Variants in CTBP2 observed in about 807,000 individuals in gnomAD.
The protein encoded by CTBP2 is C-terminal-binding protein 2.
Under a neutral mutation model 80.3 loss-of-function variants are expected in CTBP2, and 30 were observed. That is an observed-to-expected ratio of 0.37 (90% CI 0.28 to 0.51). The LOEUF (loss-of-function observed/expected upper bound fraction) is 0.51. CTBP2 is among the 20% of genes least tolerant of loss of function. The pLI is 0.93. For missense variants in CTBP2, 1,212 were observed against 1,375.3 expected (o/e 0.88, Z 1.88); for synonymous variants, 594 against 587.4 (o/e 1.01, Z -0.16).
intron 1 of CTBP2, among the ~76,000 whole-genome samples, chr10:125,111,439 C>G (rs930557605): frequency 6.6e-5 from 10 of 152,128 alleles, no homozygotes; most frequent in African/African-American, 2.4e-4. Flanking sequence ...TACCTTCAAG[C>G]AAAAAGTATT....
At chr10:125,067,595 T>C (rs1326017286) in intron 2 of CTBP2, among the ~76,000 whole-genome samples, 1 of 152,232 alleles carries the variant, frequency 6.6e-6, no homozygotes, top group East Asian at 1.9e-4. Context: ...TTATCAAACT[T>C]CTTATCTTAC....
intron 2 of CTBP2, among the ~76,000 whole-genome samples, chr10:125,080,367 C>T (rs953919932): frequency 1.3e-5 from 2 of 152,186 alleles, no homozygotes; most frequent in Non-Finnish European, 2.9e-5. Context: ...GCCACCAGTG[C>T]ACCCAGCCCA....
chr10:125,105,382 G>A (rs1339018685), intron 2 of CTBP2, among the ~76,000 whole-genome samples: 2 of 152,174 alleles, frequency 1.3e-5, no homozygotes, highest in Admixed American at 1.3e-4. Context: ...AAACTCCTGG[G>A]CTCAAAGGAT....
chr10:125,105,338 G>A (rs1476596674), intron 2 of CTBP2, among the ~76,000 whole-genome samples: 1 of 152,222 alleles, frequency 6.6e-6, no homozygotes, highest in Non-Finnish European at 1.5e-5. Flanking sequence ...TTTTTATAGA[G>A]ATGGGGTCTT....
At chr10:125,028,303 C>T (rs867243300), upstream of CTBP2, among the ~76,000 whole-genome samples, 1 of 152,134 alleles carries the variant, frequency 6.6e-6, no homozygotes, top group South Asian at 2.1e-4. Flanking sequence ...GGGGCTGTTC[C>T]CACCCCTGCC....
At chr10:125,092,916 G>T (rs900872940) in intron 2 of CTBP2, among the ~76,000 whole-genome samples, 1 of 151,572 alleles carries the variant, frequency 6.6e-6, no homozygotes, top group Admixed American at 6.6e-5. Context: ...TTCTAGAGTG[G>T]GGGGGGGCAG....
intron 2 of CTBP2, among the ~76,000 whole-genome samples, chr10:125,098,987 A>AT (rs976217948): frequency 6.6e-6 from 1 of 152,180 alleles, no homozygotes; most frequent in African/African-American, 2.4e-5. Context: ...CTGACTGAGC[A>AT]TTTACCAAGC....
intron 2 of CTBP2, among the ~76,000 whole-genome samples, chr10:125,070,836 T>TA (rs1845363202): frequency 8.1e-6 from 1 of 122,766 alleles, no homozygotes; most frequent in Admixed American, 8.4e-5. Context: ...CGGCTAATTT[T>TA]GTATTTTTAG....
intron 2 of CTBP2, among the ~76,000 whole-genome samples, chr10:125,072,029 G>A (rs1315999326): frequency 6.6e-6 from 1 of 152,172 alleles, no homozygotes; most frequent in African/African-American, 2.4e-5. Flanking sequence ...GACAAACCCT[G>A]AGACCTGGAC....
At chr10:125,064,340 G>A (rs1477876405) in intron 2 of CTBP2, among the ~76,000 whole-genome samples, 6 of 152,062 alleles carry the variant, frequency 3.9e-5, no homozygotes, top group Admixed American at 1.3e-4. Flanking sequence ...GTTACCTTCC[G>A]GTTTCCATAA....
At chr10:124,998,806 G>A (rs1366040386) in intron 3 of CTBP2, 2 of 157,136 alleles carry the variant, frequency 1.3e-5, no homozygotes, top group Non-Finnish European at 2.8e-5. Context: ...AGAGCAGACA[G>A]GATGCCCTCC....
intron 2 of CTBP2, among the ~76,000 whole-genome samples, chr10:125,082,267 T>C (rs1460714662): frequency 2.6e-5 from 4 of 152,198 alleles, no homozygotes; most frequent in Non-Finnish European, 5.9e-5. Context: ...GTGGACAGCC[T>C]CGCCTTGGAG....
chr10:125,013,240 C>T (rs1471355675), intron 1 of CTBP2, among the ~76,000 whole-genome samples: 1 of 152,146 alleles, frequency 6.6e-6, no homozygotes, highest in East Asian at 1.9e-4. Flanking sequence ...TGAAAACCAG[C>T]TGCCTGTAGC....
In CTBP2 at chr10:124,990,614, C is replaced by T. The variant is rs564690496; in HGVS notation, c.2778-916G>A. On this transcript the variant is annotated intron_variant, in intron 8 of 8. Transcript: ENST00000309035. ...TTACTTCTGACTGATAAAATGATTT[C>T]CCAACAGAGTACAATGGACCCTTAG... Among the ~76,000 whole-genome samples, 316 of 152,304 alleles carry T rather than the reference C, an allele frequency of 2.1e-3. 2 individuals are homozygous for T. Among genetic ancestry groups the T allele is most frequent in the Middle Eastern group, 0.014 (4 of 294 alleles).
At chr10:125,072,579 G>A (rs1845649992) in intron 2 of CTBP2, among the ~76,000 whole-genome samples, 1 of 136,812 alleles carries the variant, frequency 7.3e-6, no homozygotes, top group Admixed American at 8.3e-5. Context: ...TTGCACCACT[G>A]CACTCCAGCC....
chr10:125,161,281 G>C (rs1312838883), upstream of CTBP2: 5 of 151,938 alleles, frequency 3.3e-5, no homozygotes, highest in Non-Finnish European at 7.4e-5. Flanking sequence ...GGAGGCCCTC[G>C]GGAGGCGCGG....
chr10:125,153,371 C>T (rs1189512083), intron 1 of CTBP2, among the ~76,000 whole-genome samples: 1 of 152,220 alleles, frequency 6.6e-6, no homozygotes, highest in Non-Finnish European at 1.5e-5. Flanking sequence ...CCCACCCGTT[C>T]CCTTGGTCTC....
At chr10:125,056,740 G>A (rs71488642) in intron 2 of CTBP2, among the ~76,000 whole-genome samples, 42 of 152,368 alleles carry the variant, frequency 2.8e-4, no homozygotes, top group Middle Eastern at 3.4e-3. Context: ...GTTGGCTACA[G>A]AAACTTCCGT....
intron 2 of CTBP2, among the ~76,000 whole-genome samples, chr10:125,040,757 C>T (rs931591092): frequency 6.6e-6 from 1 of 152,164 alleles, no homozygotes; most frequent in Admixed American, 6.5e-5. Flanking sequence ...GTTACTTTAT[C>T]AAAAGGTCAG....
Sources: gnomAD v4.1 joint callset for allele counts (sites outside exome capture counted in the v4.1 genomes callset) on GRCh38, gnomAD v4.1.1 for gene constraint, MANE v1.5 for transcripts, NCBI Gene and HGNC (gene_info 2026-07-23, HGNC 2026-07-21) for gene names.